Variants in MAP2K1 observed in about 807,000 individuals in gnomAD.
MAP2K1 encodes dual specificity mitogen-activated protein kinase kinase 1.
MAP2K1 carries 16 observed loss-of-function variants against 46.3 expected under a neutral mutation model. The ratio of observed to expected loss-of-function variants is 0.35; its 90% CI spans 0.23 to 0.52. The LOEUF (loss-of-function observed/expected upper bound fraction) is 0.52. Ranked by LOEUF, MAP2K1 falls within the 20% of genes least tolerant of loss-of-function variation. The pLI is 0.94. For synonymous variants in MAP2K1, 183 were observed against 185.6 expected (o/e 0.99, Z 0.11); for missense variants, 263 against 497.1 (o/e 0.53, Z 4.48).
At chr15:66,474,050 C>T (rs975248380) in intron 5 of MAP2K1, among the ~76,000 whole-genome samples, 7 of 152,128 alleles carry the variant, frequency 4.6e-5, no homozygotes, top group Admixed American at 3.9e-4. Flanking sequence ...CCTGCAACAT[C>T]ATCTCATGTT....
chr15:66,490,430 ATT>A (rs768028722), intron 10 of MAP2K1, 70 bp from the exon 11 acceptor site: 17 of 1,134,628 alleles, frequency 1.5e-5, no homozygotes, highest in Non-Finnish European at 2.0e-5. Context: ...AAACTCTTGG[ATT>A]TTCCTTCCTG....
At chr15:66,468,715 G>A (rs1378727582) in intron 5 of MAP2K1, among the ~76,000 whole-genome samples, 2 of 152,016 alleles carry the variant, frequency 1.3e-5, no homozygotes, top group Admixed American at 6.6e-5. Context: ...GGCGGATCAC[G>A]AGGTCAGGAG....
At chr15:66,438,546 G>GTCCTTT (rs2093495013) in intron 3 of MAP2K1, among the ~76,000 whole-genome samples, 1 of 152,116 alleles carries the variant, frequency 6.6e-6, no homozygotes, top group Non-Finnish European at 1.5e-5. Flanking sequence ...CCCTTGCCAT[G>GTCCTTT]TCCTCCCCTT....
chr15:66,490,823 T>G lies in MAP2K1; in HGVS notation c.*208T>G, dbSNP rs1222407506. 3.1e-6 allele frequency: 2 copies of G among 644,884 alleles called. No homozygotes were observed. The highest frequency in any genetic ancestry group is 2.1e-5 in the Admixed American group (1 of 46,686). The allele number at this position is 644,884 out of a possible 1,614,324, so 39.9% of individuals were successfully genotyped here. ...ACTATTATTGTTCCCCTAAGTGGAT[T>G]GGCTTTGTGCTTGGGGCTATTTGTG... is the stretch of plus-strand genomic sequence containing the variant. On this transcript the variant is annotated 3_prime_UTR_variant, in exon 11 of 11. Transcript: ENST00000307102.
chr15:66,419,689 A>C (rs915689997), intron 1 of MAP2K1, among the ~76,000 whole-genome samples: 2 of 151,620 alleles, frequency 1.3e-5, no homozygotes, highest in African/African-American at 4.8e-5. Context: ...GGTCCTCATG[A>C]CTCCAGAGGC....
intron 1 of MAP2K1, among the ~76,000 whole-genome samples, chr15:66,432,531 C>T (rs1241564798): frequency 1.3e-5 from 2 of 152,220 alleles, no homozygotes; most frequent in Admixed American, 1.3e-4. Flanking sequence ...CCAGCAGATC[C>T]ATCATCAGAT....
chr15:66,424,320 A>G (rs555868945), intron 1 of MAP2K1, among the ~76,000 whole-genome samples: 88 of 152,210 alleles, frequency 5.8e-4, no homozygotes, highest in South Asian at 2.1e-3. Context: ...GGCCTCCCAA[A>G]GTGCTGGGAT....
chr15:66,476,562 A>G (rs959631173), intron 5 of MAP2K1, among the ~76,000 whole-genome samples: 19 of 152,224 alleles, frequency 1.2e-4, no homozygotes, highest in African/African-American at 4.6e-4. Context: ...AGGGGCAGTT[A>G]GAGAGGCAGG....
At chr15:66,462,071 C>T (rs989730988) in intron 5 of MAP2K1, among the ~76,000 whole-genome samples, 10 of 152,088 alleles carry the variant, frequency 6.6e-5, no homozygotes, top group African/African-American at 2.4e-4. Flanking sequence ...AGCTGTGAGT[C>T]CTAGTTGGAA....
intron 2 of MAP2K1, 53 bp from the exon 3 acceptor site, chr15:66,436,693 C>T (rs2140582860): frequency 1.3e-6 from 2 of 1,535,000 alleles, no homozygotes; most frequent in Non-Finnish European, 1.8e-6. Context: ...TATCTTTCAT[C>T]CCTTCCTCCC....
chr15:66,441,564 G>C (rs376951300), intron 3 of MAP2K1, among the ~76,000 whole-genome samples: 1 of 152,130 alleles, frequency 6.6e-6, no homozygotes, highest in East Asian at 1.9e-4. Context: ...CCAACTACAC[G>C]GAAGGCTGAG....
intron 1 of MAP2K1, among the ~76,000 whole-genome samples, chr15:66,388,087 A>T (rs1489771720): frequency 6.6e-6 from 1 of 152,122 alleles, no homozygotes; most frequent in African/African-American, 2.4e-5. Flanking sequence ...TTTTCTCACT[A>T]ATGATTTCCT....
chr15:66,389,920 A>T (rs1566992750), intron 1 of MAP2K1, among the ~76,000 whole-genome samples: 1 of 151,946 alleles, frequency 6.6e-6, no homozygotes, highest in Non-Finnish European at 1.5e-5. Flanking sequence ...AGTTTTTTTC[A>T]TCTGCAAAAA....
At chr15:66,409,889 C>T (rs772153643) in intron 1 of MAP2K1, among the ~76,000 whole-genome samples, 2 of 152,216 alleles carry the variant, frequency 1.3e-5, no homozygotes, top group Non-Finnish European at 2.9e-5. Context: ...TTTCTATTCA[C>T]AGACCCTTTG....
At chr15:66,463,763 C>T (rs1595876063) in intron 5 of MAP2K1, among the ~76,000 whole-genome samples, 2 of 152,180 alleles carry the variant, frequency 1.3e-5, no homozygotes, top group Admixed American at 1.3e-4. Context: ...GGATTACAGG[C>T]GTGAGCCACC....
intron 1 of MAP2K1, among the ~76,000 whole-genome samples, chr15:66,429,918 G>C (rs1227710448): frequency 6.6e-6 from 1 of 151,952 alleles, no homozygotes; most frequent in Non-Finnish European, 1.5e-5. Context: ...CCCTCAACTT[G>C]AACACGCCCC....
rs918732191 is a variant in MAP2K1 at position 66,491,082 on chromosome 15, G to C, written c.*467G>C. 1.1e-5 allele frequency: 4 copies of C among 349,180 alleles called. No homozygotes were observed. Among genetic ancestry groups the C allele is most frequent in the African/African-American group, 8.3e-5 (4 of 48,442 alleles). 21.6% of individuals were successfully genotyped at this position (349,180 alleles called of 1,614,324 possible). A position where few individuals can be genotyped will look rare whatever the true frequency, so the allele number is the denominator to read the frequency against. ...CAGTGCATGTGAAGCATGCTTTGCT[G>C]CTATGAAAATGAGCATCAGAGAGTG... On this transcript the variant is annotated 3_prime_UTR_variant, in exon 11 of 11. Coordinates refer to ENST00000307102, the MANE Select transcript of MAP2K1 (RefSeq NM_002755.4).
intron 2 of MAP2K1, 107 bp downstream of exon 2, chr15:66,435,344 T>A: frequency 2.2e-6 from 2 of 895,426 alleles, no homozygotes; most frequent in South Asian, 3.0e-5. Context: ...CTTTTTGTGC[T>A]GTTTGAATTT....
intron 1 of MAP2K1, among the ~76,000 whole-genome samples, chr15:66,402,693 A>T (rs746830130): frequency 3.3e-5 from 5 of 151,718 alleles, no homozygotes; most frequent in Non-Finnish European, 7.4e-5. Flanking sequence ...TTCCATCTCG[A>T]CTATGGTTTG....
Sources: allele counts gnomAD v4.1 joint callset (sites outside exome capture counted in the v4.1 genomes callset), GRCh38; gene constraint gnomAD v4.1.1; transcripts MANE v1.5; gene names NCBI Gene and HGNC (gene_info 2026-07-23, HGNC 2026-07-21).